The following PCDH9 variants were observed in gnomAD, a reference collection of about 807,000 sequenced individuals.
PCDH9 encodes the protein protocadherin 9.
In PCDH9, 24 loss-of-function variants were observed where a neutral mutation model predicts 70.6. The observed-to-expected ratio is 0.34, with a 90% CI of 0.25 to 0.48. The LOEUF (loss-of-function observed/expected upper bound fraction) is 0.48. PCDH9 is among the 20% of genes least tolerant of loss of function. The pLI is 0.99. For synonymous variants in PCDH9, 562 were observed against 558.5 expected, an observed-to-expected ratio of 1.01 and a Z score of -0.09; for missense variants, 1,281 against 1,503.6, an observed-to-expected ratio of 0.85 and a Z score of 2.45.
chr13:66,891,814 C>T (rs2082100166), intron 3 of PCDH9, among the ~76,000 whole-genome samples: 1 of 149,924 alleles, frequency 6.7e-6, no homozygotes, highest in Admixed American at 6.6e-5. Context: ...TACATGTATT[C>T]CATTTTTTTT....
intron 4 of PCDH9, among the ~76,000 whole-genome samples, chr13:66,528,596 G>A (rs9540792): frequency 0.24 from 36,053 of 152,022 alleles, 4,743 homozygotes; most frequent in South Asian, 0.34. Context: ...TTACTGTGTG[G>A]AATATCATTT....
At chr13:66,658,895 T>A (rs1388016166) in intron 3 of PCDH9, among the ~76,000 whole-genome samples, 1 of 152,172 alleles carries the variant, frequency 6.6e-6, no homozygotes, top group African/African-American at 2.4e-5. Context: ...TATATCATAT[T>A]CATCAAATTA....
intron 2 of PCDH9, among the ~76,000 whole-genome samples, chr13:67,190,370 G>T (rs946806669): frequency 6.6e-6 from 1 of 151,846 alleles, no homozygotes; most frequent in Non-Finnish European, 1.5e-5. Context: ...TCATTGTAGG[G>T]CTAATTTTTA....
intron 2 of PCDH9, among the ~76,000 whole-genome samples, chr13:66,953,621 G>A (rs1053217783): frequency 5.3e-5 from 8 of 152,070 alleles, no homozygotes; most frequent in African/African-American, 1.4e-4. Context: ...CTCATCACAA[G>A]TCTGTCCTAC....
chr13:66,929,591 T>C (rs2082773752), intron 2 of PCDH9, among the ~76,000 whole-genome samples: 1 of 152,188 alleles, frequency 6.6e-6, no homozygotes, highest in Admixed American at 6.5e-5. Flanking sequence ...CCCAAAGTGC[T>C]GGGATTACAG....
rs2079558494 is a variant in PCDH9 at position 66,757,710 on chromosome 13, T to A, written c.3139-126299A>T. Among the ~76,000 whole-genome samples the A allele has an allele frequency of 2.0e-5, 3 of 152,216 alleles. No homozygotes were observed. The South Asian group carries it at 6.2e-4, about 32-fold the overall frequency. On this transcript the variant is annotated intron_variant, in intron 3 of 4. Transcript: ENST00000377865. ...GGAAAACTTCTGACTACTATAGAAA[T>A]AAAATATTCAGGTGTAATTATTCGA...
At chr13:66,361,894 A>G (rs1956477688) in intron 4 of PCDH9, among the ~76,000 whole-genome samples, 2 of 152,192 alleles carry the variant, frequency 1.3e-5, no homozygotes, top group South Asian at 2.1e-4. Context: ...ATGCAGTACC[A>G]TCTACTATCT....
chr13:66,783,819 G>A (rs1218650508), intron 3 of PCDH9, among the ~76,000 whole-genome samples: 1 of 151,502 alleles, frequency 6.6e-6, no homozygotes, highest in Non-Finnish European at 1.5e-5. Context: ...CTTACTTTAG[G>A]TACAACATAA....
chr13:66,447,104 A>G (rs1378281726), intron 4 of PCDH9, among the ~76,000 whole-genome samples: 3 of 152,090 alleles, frequency 2.0e-5, no homozygotes, highest in African/African-American at 7.2e-5. Flanking sequence ...AATTAGGAAT[A>G]AAAAATGCAT....
intron 4 of PCDH9, among the ~76,000 whole-genome samples, chr13:66,415,506 C>T (rs943816491): frequency 6.6e-6 from 1 of 152,114 alleles, no homozygotes; most frequent in Non-Finnish European, 1.5e-5. Context: ...TATAATGTGG[C>T]TAGGTAGTAT....
At chr13:66,596,465 C>T (rs937769770) in intron 4 of PCDH9, among the ~76,000 whole-genome samples, 3 of 151,590 alleles carry the variant, frequency 2.0e-5, no homozygotes, top group African/African-American at 7.3e-5. Context: ...AATGCATGTA[C>T]ATATATACAC....
chr13:66,365,976 T>C (rs1032770764), intron 4 of PCDH9, among the ~76,000 whole-genome samples: 1 of 152,072 alleles, frequency 6.6e-6, no homozygotes, highest in African/African-American at 2.4e-5. Context: ...AATGGGAGAT[T>C]AGCATAAAAT....
chr13:66,891,242 TA>T (rs1472623402), intron 3 of PCDH9, among the ~76,000 whole-genome samples: 2 of 152,116 alleles, frequency 1.3e-5, no homozygotes, highest in African/African-American at 4.8e-5. Context: ...GTCCTTATTG[TA>T]TCAATATTTG....
intron 2 of PCDH9, among the ~76,000 whole-genome samples, chr13:67,000,514 A>T (rs967559529): frequency 4.6e-5 from 7 of 151,902 alleles, no homozygotes; most frequent in African/African-American, 1.7e-4. Flanking sequence ...AAGACTTTAT[A>T]GAAAAACTGT....
rs367984020 is a variant in PCDH9, at chr13:66,583,574, AC to A, written c.3340+47635del. On this transcript the variant is annotated intron_variant, in intron 4 of 4. Coordinates refer to ENST00000377865, the MANE Select transcript of PCDH9 (RefSeq NM_203487.3). ...AGTTACAGTGCGCTGAGATCCCGCC[AC>A]TGTACTCCAGTCTGGGTGACAGAGT... is the stretch of plus-strand genomic sequence containing the variant. 1.9e-4 allele frequency among the ~76,000 whole-genome samples: 29 copies of A among 152,038 alleles called. No individual in the cohort carries two copies. The East Asian group carries it at 4.3e-3, about 22-fold the overall frequency.
At chr13:67,159,855 T>C (rs148886609) in intron 2 of PCDH9, among the ~76,000 whole-genome samples, 8 of 152,340 alleles carry the variant, frequency 5.3e-5, no homozygotes, top group Non-Finnish European at 1.0e-4. Context: ...AACTAAACTA[T>C]GTAGCCAAAT....
chr13:66,469,881 A>G (rs73207692), intron 4 of PCDH9, among the ~76,000 whole-genome samples: 6,543 of 152,232 alleles, frequency 0.043, 185 homozygotes, highest in Non-Finnish European at 0.074. Context: ...GTAACTGATA[A>G]AGAAAGCCAC....
chr13:66,308,286 C>G (rs1955503654), intron 4 of PCDH9, among the ~76,000 whole-genome samples: 1 of 151,974 alleles, frequency 6.6e-6, no homozygotes, highest in Admixed American at 6.6e-5. Context: ...TGTACAAAAT[C>G]TTTAACTTGC....
intron 4 of PCDH9, among the ~76,000 whole-genome samples, chr13:66,443,583 T>C (rs1958014845): frequency 6.6e-6 from 1 of 152,158 alleles, no homozygotes; most frequent in Non-Finnish European, 1.5e-5. Context: ...TTTTCAACTC[T>C]TGAAATGTAA....
Sources: gnomAD v4.1 joint callset for allele counts (sites outside exome capture counted in the v4.1 genomes callset) on GRCh38, gnomAD v4.1.1 for gene constraint, MANE v1.5 for transcripts, NCBI Gene and HGNC (gene_info 2026-07-23, HGNC 2026-07-21) for gene names.